Variants in CORIN observed in about 807,000 individuals in gnomAD.
CORIN encodes atrial natriuretic peptide-converting enzyme.
A neutral mutation model predicts 125.3 loss-of-function variants in CORIN; 117 were observed. That is an observed-to-expected ratio of 0.93 (90% CI 0.80 to 1.09). CORIN has a LOEUF of 1.09. CORIN is among the 50% of genes least tolerant of loss of function. The pLI, the probability that CORIN is intolerant of heterozygous loss-of-function variation, is 0.00. For missense variants in CORIN, 1,253 were observed against 1,306.7 expected, an observed-to-expected ratio of 0.96 and a Z score of 0.63; for synonymous variants, 450 against 466.4, an observed-to-expected ratio of 0.96 and a Z score of 0.45.
At chr4:47,606,474 GTCT>G (rs1721648227) in intron 19 of CORIN, among the ~76,000 whole-genome samples, 1 of 152,088 alleles carries the variant, frequency 6.6e-6, no homozygotes, top group Non-Finnish European at 1.5e-5. Flanking sequence ...GCCCAAGCTG[GTCT>G]TGAACTCCTG....
intron 5 of CORIN, among the ~76,000 whole-genome samples, chr4:47,698,724 G>A (rs562033372): frequency 6.6e-6 from 1 of 152,298 alleles, no homozygotes; most frequent in East Asian, 1.9e-4. Context: ...TGGAGGTACT[G>A]AGACATGAGT....
chr4:47,649,640 A>C (rs1462388870), intron 13 of CORIN, among the ~76,000 whole-genome samples: 1 of 152,206 alleles, frequency 6.6e-6, no homozygotes, highest in Non-Finnish European at 1.5e-5. Flanking sequence ...ACAGCCTCTA[A>C]GGCTAAGTAA....
intron 5 of CORIN, among the ~76,000 whole-genome samples, chr4:47,723,266 T>G (rs1727437548): frequency 6.6e-6 from 1 of 152,126 alleles, no homozygotes; most frequent in Non-Finnish European, 1.5e-5. Flanking sequence ...TCCCTGGAAG[T>G]CAGAGAGTTT....
intron 16 of CORIN, among the ~76,000 whole-genome samples, chr4:47,633,126 G>A (rs1560481763): frequency 6.6e-6 from 1 of 152,116 alleles, no homozygotes; most frequent in African/African-American, 2.4e-5. Context: ...CTCAGAGATG[G>A]AGTGTAGTAA....
intron 9 of CORIN, among the ~76,000 whole-genome samples, chr4:47,675,003 G>A (rs572545149): frequency 2.3e-4 from 35 of 152,180 alleles, no homozygotes; most frequent in Admixed American, 5.9e-4. Flanking sequence ...TAATACAAGT[G>A]TTATGCAGCT....
chr4:47,820,265 G>A lies in CORIN; in HGVS notation c.64-13218C>T, dbSNP rs533053739. On this transcript the variant is annotated intron_variant, in intron 1 of 21. Transcript: ENST00000273857. ...GACATCCTGGAAATTAGGGTTAGAG[G>A]GAAATAATGAGGGTGAGGGGAGAAA... is the stretch of plus-strand genomic sequence containing the variant. Among the ~76,000 whole-genome samples the A allele has an allele frequency of 3.4e-5, 5 of 147,324 alleles. No individual in the cohort carries two copies. The East Asian group carries it at 9.9e-4, about 29-fold the overall frequency.
At chr4:47,625,547 T>A (rs542667668) in intron 17 of CORIN, among the ~76,000 whole-genome samples, 1 of 152,266 alleles carries the variant, frequency 6.6e-6, no homozygotes, top group African/African-American at 2.4e-5. Context: ...AATTGACAAA[T>A]ATTCAGAAAT....
intron 1 of CORIN, among the ~76,000 whole-genome samples, chr4:47,816,037 G>A (rs771451619): frequency 2.6e-5 from 4 of 152,142 alleles, no homozygotes; most frequent in Non-Finnish European, 2.9e-5. Context: ...AGTGAGTAGC[G>A]AATTAAAAGA....
intron 19 of CORIN, among the ~76,000 whole-genome samples, chr4:47,609,142 TAAAG>T (rs904421480): frequency 1.3e-5 from 2 of 152,216 alleles, no homozygotes; most frequent in Non-Finnish European, 2.9e-5. Context: ...CTGCACTAAA[TAAAG>T]ATATACCACA....
At chr4:47,824,911 G>A (rs1465301658) in intron 1 of CORIN, among the ~76,000 whole-genome samples, 1 of 152,126 alleles carries the variant, frequency 6.6e-6, no homozygotes, top group Non-Finnish European at 1.5e-5. Context: ...CTTACCCAAC[G>A]TGGGCAGCTG....
At chr4:47,790,525 C>G (rs539940752) in intron 2 of CORIN, among the ~76,000 whole-genome samples, 2 of 152,142 alleles carry the variant, frequency 1.3e-5, no homozygotes, top group Admixed American at 1.3e-4. Flanking sequence ...TGAGCCTAAT[C>G]TTTCATGGCT....
chr4:47,798,809 A>G (rs1218966692), intron 2 of CORIN, among the ~76,000 whole-genome samples: 1 of 152,186 alleles, frequency 6.6e-6, no homozygotes, highest in Non-Finnish European at 1.5e-5. Flanking sequence ...AGTAATGAGC[A>G]TAGTAGCCAA....
chr4:47,704,313 G>A (rs1395815286), intron 5 of CORIN, among the ~76,000 whole-genome samples: 1 of 152,140 alleles, frequency 6.6e-6, no homozygotes, highest in African/African-American at 2.4e-5. Context: ...GCTAAGTCTA[G>A]AGGATTGGTT....
At chr4:47,833,287 A>G (rs531672305) in intron 1 of CORIN, among the ~76,000 whole-genome samples, 1 of 152,338 alleles carries the variant, frequency 6.6e-6, no homozygotes, top group Non-Finnish European at 1.5e-5. Context: ...TGCCAAGAAT[A>G]TACAATGGAG....
chr4:47,648,660 AG>A (rs1451501455), intron 13 of CORIN, among the ~76,000 whole-genome samples: 1 of 152,236 alleles, frequency 6.6e-6, no homozygotes, highest in Non-Finnish European at 1.5e-5. Context: ...AGAATCTCTT[AG>A]CTATGCAGCT....
chr4:47,838,047 C>A lies in CORIN; in HGVS notation c.-98G>T. On this transcript the variant is annotated 5_prime_UTR_variant, in exon 1 of 22. Transcript: ENST00000273857. ...GGGAGGCACTACGGATGATTTTCTCCAAGCTCAAGAGAGACAAACTGAACT... is the reference window on the plus strand; with the variant it reads ...GGGAGGCACTACGGATGATTTTCTCAAAGCTCAAGAGAGACAAACTGAACT... 1 of 1,571,292 alleles carries A rather than the reference C, an allele frequency of 6.4e-7. No homozygotes were observed.
At chr4:47,670,964 T>C (rs780921417) in intron 10 of CORIN, among the ~76,000 whole-genome samples, 2 of 152,240 alleles carry the variant, frequency 1.3e-5, no homozygotes, top group African/African-American at 2.4e-5. Context: ...TTTTAGGCTT[T>C]TTAAAAAAGC....
intron 3 of CORIN, among the ~76,000 whole-genome samples, chr4:47,765,892 G>A (rs1425627148): frequency 6.6e-6 from 1 of 152,114 alleles, no homozygotes; most frequent in Non-Finnish European, 1.5e-5. Flanking sequence ...CCTTATTAGG[G>A]AGATTAATGT....
chr4:47,606,540 C>T (rs1399028832), intron 19 of CORIN, among the ~76,000 whole-genome samples: 1 of 152,146 alleles, frequency 6.6e-6, no homozygotes, highest in Non-Finnish European at 1.5e-5. Flanking sequence ...GACTGCAGGC[C>T]ACCAAGCCCA....
Sources: gnomAD v4.1 joint callset for allele counts (sites outside exome capture counted in the v4.1 genomes callset) on GRCh38, gnomAD v4.1.1 for gene constraint, MANE v1.5 for transcripts, NCBI Gene and HGNC (gene_info 2026-07-23, HGNC 2026-07-21) for gene names.